WDFY4: variants seen among roughly 807,000 people sequenced by gnomAD.
The protein encoded by WDFY4 is WDFY family member 4.
WDFY4 carries 169 observed loss-of-function variants against 351.9 expected under a neutral mutation model. That is an observed-to-expected ratio of 0.48 (90% CI 0.42 to 0.55). WDFY4 has a LOEUF of 0.55. Among genes scored for constraint, WDFY4 ranks in the 20% least tolerant of loss-of-function variants. The probability of loss-of-function intolerance (pLI) is 0.00; values close to 1 mark genes in which losing one functional copy is unlikely to be tolerated. For synonymous variants in WDFY4, 1,622 were observed against 1,574.6 expected, an observed-to-expected ratio of 1.03 and a Z score of -0.71; for missense variants, 3,803 against 3,935.6, an observed-to-expected ratio of 0.97 and a Z score of 0.90.
intron 49 of WDFY4, among the ~76,000 whole-genome samples, chr10:48,945,796 A>G (rs1841012990): frequency 6.6e-6 from 1 of 152,228 alleles, no homozygotes. Flanking sequence ...GATTTGGGTC[A>G]ACTTGGAACA....
intron 4 of WDFY4, among the ~76,000 whole-genome samples, chr10:48,722,593 G>A (rs369740286): frequency 2.8e-4 from 43 of 152,328 alleles, no homozygotes; most frequent in African/African-American, 9.1e-4. Flanking sequence ...GTTAACCAGT[G>A]GAATGGGAAG....
intron 49 of WDFY4, 147 bp downstream of exon 49, chr10:48,943,596 C>T: frequency 1.2e-6 from 1 of 846,190 alleles, no homozygotes; most frequent in Non-Finnish European, 1.7e-6. Flanking sequence ...AAGCTCAGAT[C>T]TCTTTTTTTT....
At chr10:48,734,453 T>C (rs1046725409) in intron 10 of WDFY4, among the ~76,000 whole-genome samples, 1 of 151,922 alleles carries the variant, frequency 6.6e-6, no homozygotes, top group Non-Finnish European at 1.5e-5. Flanking sequence ...CACTTAGCAA[T>C]GTAATCCATT....
At chr10:48,803,258 T>G (rs753979419) in intron 24 of WDFY4, 28 bp from the exon 25 acceptor site, 1 of 1,550,102 alleles carries the variant, frequency 6.5e-7, no homozygotes, top group Non-Finnish European at 8.7e-7. Context: ...CACCTTCATT[T>G]TAGCATGTGT....
chr10:48,981,408 G>C lies in WDFY4; in HGVS notation c.9418G>C (p.Asp3140His). ...GAACCTGGCCTTGAGTCGAGAGCTG[G>C]ACGTTAGCATTGCTTTGACAGGGAA... ...EKNLALSRELDVSIALTGKPS... is the reference protein window; with the variant it reads ...EKNLALSRELHVSIALTGKPS... The change falls in exon 61 of 62, where the codon GAC becomes CAC. Residue 3140 changes from aspartate to histidine, a missense_variant. By Grantham distance (81) the Asp-to-His change is moderately conservative. Around this residue, in one of 3 missense-constraint regions of WDFY4, gnomAD observed 3,054 missense variants for 3,148.6 expected, o/e 0.97. Coordinates refer to ENST00000325239, the MANE Select transcript of WDFY4 (RefSeq NM_001394531.1). 1 of 1,551,794 alleles carries C rather than the reference G, an allele frequency of 6.4e-7. No individual in the cohort carries two copies. The highest frequency in any genetic ancestry group is 8.7e-7 in the Non-Finnish European group (1 of 1,147,012).
At position 48,966,551 on chromosome 10, in the gene WDFY4, G is replaced by C; in HGVS notation, c.8462G>C (p.Arg2821Thr). The C allele has an allele frequency of 1.3e-6, 2 of 1,552,114 alleles. No homozygotes were observed. Among genetic ancestry groups the C allele is most frequent in the Non-Finnish European group, 1.7e-6 (2 of 1,147,082 alleles). Residue 2821 changes from arginine to threonine, a missense_variant, in exon 55 of 62, where the codon AGG (arginine) becomes ACG (threonine). By Grantham distance (71) the Arg-to-Thr change is moderately conservative. Around this residue, in one of 3 missense-constraint regions of WDFY4, gnomAD observed 3,054 missense variants for 3,148.6 expected, o/e 0.97. Coordinates refer to ENST00000325239, the MANE Select transcript of WDFY4 (RefSeq NM_001394531.1). ...KQLFTKPHPA[R>T]TAAGKPLPGK... ...CTCTTTACCAAACCTCACCCAGCCA[G>C]GACTGCAGCAGGGAAGCCTCTGCCT...
intron 30 of WDFY4, among the ~76,000 whole-genome samples, chr10:48,813,496 G>A (rs12261146): frequency 0.16 from 23,938 of 151,954 alleles, 2,121 homozygotes; most frequent in African/African-American, 0.24. Flanking sequence ...TCACAGAGAC[G>A]GGAAATGAAC....
intron 47 of WDFY4, among the ~76,000 whole-genome samples, chr10:48,903,620 G>C (rs1837469498): frequency 6.6e-6 from 1 of 152,212 alleles, no homozygotes. Context: ...GAGGATTTAG[G>C]CTTCAGCAAT....
At chr10:48,689,919 G>A (rs1043589089) in intron 1 of WDFY4, among the ~76,000 whole-genome samples, 2 of 152,220 alleles carry the variant, frequency 1.3e-5, no homozygotes, top group Non-Finnish European at 2.9e-5. Flanking sequence ...GAGATGTAAG[G>A]TTCTTTGCCC....
At chr10:48,926,441 A>C (rs903198249) in intron 47 of WDFY4, among the ~76,000 whole-genome samples, 3 of 152,154 alleles carry the variant, frequency 2.0e-5, no homozygotes, top group Non-Finnish European at 4.4e-5. Context: ...GATGGTGTGC[A>C]CTCTGGCTGA....
At chr10:48,903,478 C>G (rs1289849117) in intron 47 of WDFY4, among the ~76,000 whole-genome samples, 1 of 152,116 alleles carries the variant, frequency 6.6e-6, no homozygotes, top group Non-Finnish European at 1.5e-5. Flanking sequence ...TGGCTTGGAT[C>G]AGGAACATGA....
intron 28 of WDFY4, among the ~76,000 whole-genome samples, chr10:48,809,769 C>T (rs2067386953): frequency 1.3e-5 from 2 of 152,238 alleles, no homozygotes; most frequent in South Asian, 4.1e-4. Flanking sequence ...TGCTAAACAT[C>T]AGAGGCAGGG....
chr10:48,898,485 C>T lies in WDFY4; in HGVS notation c.7437+911C>T, dbSNP rs566558135. Reference sequence around the variant, plus strand: ...TCCAAAGGCCAGCAAGAGAGCAGTGCTTGGCCTAGATGAACTAGACATTTT... The same window carrying T: ...TCCAAAGGCCAGCAAGAGAGCAGTGTTTGGCCTAGATGAACTAGACATTTT... On this transcript the variant is annotated intron_variant, in intron 45 of 61. Transcript: ENST00000325239. Among the ~76,000 whole-genome samples, 3 of 152,316 alleles carry T rather than the reference C, an allele frequency of 2.0e-5. No homozygotes were observed. In the South Asian group the frequency reaches 6.2e-4, roughly 32 times the overall value.
intron 29 of WDFY4, 34 bp from the exon 30 acceptor site, chr10:48,811,505 G>T (rs1362168800): frequency 2.6e-6 from 4 of 1,547,744 alleles, no homozygotes; most frequent in Non-Finnish European, 3.5e-6. Context: ...GCTGTTCTCA[G>T]CTGACTTTTG....
intron 46 of WDFY4, 87 bp downstream of exon 46, chr10:48,900,393 A>G: frequency 7.7e-7 from 1 of 1,303,150 alleles, no homozygotes; most frequent in Non-Finnish European, 1.1e-6. Flanking sequence ...GTGCTCAGGA[A>G]AAGTGTTCTC....
intron 13 of WDFY4, among the ~76,000 whole-genome samples, chr10:48,762,822 C>T (rs2065551312): frequency 6.6e-6 from 1 of 152,224 alleles, no homozygotes; most frequent in Non-Finnish European, 1.5e-5. Context: ...GCAGAAGCTG[C>T]CAGGCCTGCC....
chr10:48,831,021 A>G (rs2068172100), intron 38 of WDFY4, 136 bp downstream of exon 38: 1 of 828,688 alleles, frequency 1.2e-6, no homozygotes, highest in Non-Finnish European at 1.8e-6. Context: ...TGGGATTTAT[A>G]TCACTGAAAT....
chr10:48,703,347 C>T (rs1015288672), intron 1 of WDFY4, among the ~76,000 whole-genome samples: 2 of 152,302 alleles, frequency 1.3e-5, no homozygotes, highest in East Asian at 3.9e-4. Context: ...TATTTTGTAT[C>T]ATCTGGTTTA....
At chr10:48,693,578 G>T (rs2063253204) in intron 1 of WDFY4, among the ~76,000 whole-genome samples, 1 of 152,204 alleles carries the variant, frequency 6.6e-6, no homozygotes, top group African/African-American at 2.4e-5. Context: ...GCTCTCAGAG[G>T]AGAAATCTGA....
Sources: gnomAD v4.1 joint callset for allele counts (sites outside exome capture counted in the v4.1 genomes callset) on GRCh38, gnomAD v4.1.1 for gene constraint, gnomAD v4.1.1 regional missense constraint, MANE v1.5 for transcripts, NCBI Gene and HGNC (gene_info 2026-07-23, HGNC 2026-07-21) for gene names.